SH2D4A: variants seen among roughly 807,000 people sequenced by gnomAD.
The protein encoded by SH2D4A is SH2 domain containing 4A.
In SH2D4A, 70 loss-of-function variants were observed where a neutral mutation model predicts 64.7. The observed-to-expected ratio is 1.08, with a 90% CI of 0.89 to 1.32. The LOEUF is 1.32. SH2D4A is among the 40% of genes most tolerant of loss of function. The pLI, the probability that SH2D4A is intolerant of heterozygous loss-of-function variation, is 0.00. For synonymous variants in SH2D4A, 268 were observed against 200.7 expected, an observed-to-expected ratio of 1.34 and a Z score of -2.83; for missense variants, 706 against 540.1, an observed-to-expected ratio of 1.31 and a Z score of -3.04.
At chr8:19,389,685 T>C (rs564997915) in intron 8 of SH2D4A, among the ~76,000 whole-genome samples, 23 of 152,266 alleles carry the variant, frequency 1.5e-4, no homozygotes, top group African/African-American at 5.5e-4. Flanking sequence ...TGGGTGAAGA[T>C]ATAGGTCACT....
intron 4 of SH2D4A, 56 bp from the exon 5 acceptor site, chr8:19,357,146 CT>C: frequency 6.7e-6 from 9 of 1,344,492 alleles, no homozygotes; most frequent in Non-Finnish European, 8.5e-6. Flanking sequence ...GACAGATTAT[CT>C]TATGAAACTG....
rs552781847 is a variant in SH2D4A, at chr8:19,364,198, G to C, written c.833G>C (p.Arg278Pro). ...GGTGAGAGGCTGCAAAGCCCCTTGC[G>C]TGTTCCGCAGAAACCAGAAAGACCT... is the stretch of plus-strand genomic sequence containing the variant. Reference protein sequence around the residue: ...RGGERLQSPLRVPQKPERPPL... With the variant: ...RGGERLQSPLPVPQKPERPPL... The change falls in exon 7 of 10, where the codon CGT (arginine) becomes CCT (proline). Residue 278 changes from arginine to proline, a missense_variant. By Grantham distance (103) the Arg-to-Pro change is moderately radical. Transcript: ENST00000265807. 5.3e-5 allele frequency: 85 copies of C among 1,614,174 alleles called. 1 individual carries two copies. In the East Asian group the frequency reaches 1.8e-3, roughly 34 times the overall value.
intron 9 of SH2D4A, 33 bp from the exon 10 acceptor site, chr8:19,394,517 A>T (rs191960810): frequency 6.7e-7 from 1 of 1,488,016 alleles, no homozygotes; most frequent in Non-Finnish European, 9.3e-7. Flanking sequence ...GTCACTACTT[A>T]CACTATCTGA....
chr8:19,386,105 C>G (rs1434455320), intron 8 of SH2D4A, among the ~76,000 whole-genome samples: 2 of 152,202 alleles, frequency 1.3e-5, no homozygotes, highest in South Asian at 4.1e-4. Flanking sequence ...CAGAGAAGGA[C>G]AGCTGGAAGT....
intron 8 of SH2D4A, among the ~76,000 whole-genome samples, chr8:19,383,022 T>A (rs1004401880): frequency 1.3e-5 from 2 of 151,888 alleles, no homozygotes; most frequent in African/African-American, 2.4e-5. Context: ...ACAATTTGAT[T>A]GTATTATGTG....
At chr8:19,325,909 G>A (rs73599050) in intron 2 of SH2D4A, among the ~76,000 whole-genome samples, 2,465 of 152,222 alleles carry the variant, frequency 0.016, 66 homozygotes, top group African/African-American at 0.055. Context: ...AAATGAATAC[G>A]GGGCTAGACC....
In SH2D4A at chr8:19,394,613, C is replaced by A; in HGVS notation, c.1336C>A (p.Leu446Met). Residue 446 changes from leucine (L) to methionine (M), a missense_variant, in exon 10 of 10, where the codon CTG (leucine) becomes ATG (methionine). Physicochemically the swap from Leu to Met is conservative, Grantham distance 15 (BLOSUM62 2). Transcript: ENST00000265807. ...CTATCCCTGTGGTCAGCAGGACCAG[C>A]TGCCTGACTACCTGGAGCTGTTTGA... ...LLYPCGQQDQ[L>M]PDYLELFE 1 of 1,611,026 alleles carries A rather than the reference C, an allele frequency of 6.2e-7. No homozygotes were observed. The highest frequency in any genetic ancestry group is 8.5e-7 in the Non-Finnish European group (1 of 1,178,148).
chr8:19,394,700 C>T lies in SH2D4A; in HGVS notation c.*58C>T. ...AGCGGGCTTTCCCCTGGACAAATGC[C>T]ACTGCAACATTTATGTGTGAAGCCA... On this transcript the variant is annotated 3_prime_UTR_variant, in exon 10 of 10. Coordinates refer to ENST00000265807, the MANE Select transcript of SH2D4A (RefSeq NM_022071.4). The T allele has an allele frequency of 1.5e-6, 2 of 1,368,062 alleles. No individual in the cohort carries two copies. Among genetic ancestry groups the T allele is most frequent in the Non-Finnish European group, 1.0e-6 (1 of 992,444 alleles). 84.7% of individuals were successfully genotyped at this position (1,368,062 alleles called of 1,614,324 possible). A position where few individuals can be genotyped will look rare whatever the true frequency, so the allele number is the denominator to read the frequency against.
intron 8 of SH2D4A, among the ~76,000 whole-genome samples, chr8:19,386,385 TGC>T (rs1563213538): frequency 1.7e-4 from 26 of 152,350 alleles, no homozygotes; most frequent in African/African-American, 5.5e-4. Flanking sequence ...CATAAATTAG[TGC>T]AGCAGGCTTC....
chr8:19,334,573 G>A, intron 3 of SH2D4A, 113 bp from the exon 4 acceptor site: 1 of 1,168,030 alleles, frequency 8.6e-7, no homozygotes, highest in Non-Finnish European at 1.2e-6. Flanking sequence ...GAAGCACTCA[G>A]TAAGTGGTGT....
At position 19,394,938 on chromosome 8, in the gene SH2D4A, G is replaced by T. The variant is rs1486729684; in HGVS notation, c.*296G>T. 3 of 211,608 alleles carry T rather than the reference G, an allele frequency of 1.4e-5. No homozygotes were observed. Among genetic ancestry groups the T allele is most frequent in the African/African-American group, 4.6e-5 (2 of 43,712 alleles). The allele number at this position is 211,608 out of a possible 1,614,324, so 13.1% of individuals were successfully genotyped here. On this transcript the variant is annotated 3_prime_UTR_variant, in exon 10 of 10. Coordinates refer to ENST00000265807, the MANE Select transcript of SH2D4A (RefSeq NM_022071.4). Reference sequence around the variant, plus strand: ...CATAAAATAAAACAAATGAAGAAATGGAAAACTTTTAGAAATTAAGGTGTA... The same window carrying T: ...CATAAAATAAAACAAATGAAGAAATTGAAAACTTTTAGAAATTAAGGTGTA...
chr8:19,336,982 C>T (rs189863231), intron 4 of SH2D4A, among the ~76,000 whole-genome samples: 15 of 151,962 alleles, frequency 9.9e-5, no homozygotes, highest in Admixed American at 9.8e-4. Flanking sequence ...AAAATAGATA[C>T]CACAGTTATT....
At chr8:19,384,074 G>A (rs569658743) in intron 8 of SH2D4A, among the ~76,000 whole-genome samples, 27 of 152,264 alleles carry the variant, frequency 1.8e-4, no homozygotes, top group Non-Finnish European at 2.8e-4. Context: ...ATCATTTTGA[G>A]TAACAGTGTA....
chr8:19,393,247 G>A (rs2053523153), intron 8 of SH2D4A, 71 bp from the exon 9 acceptor site: 4 of 1,389,008 alleles, frequency 2.9e-6, no homozygotes. Flanking sequence ...TATCCATGCA[G>A]CTGGATTTAA....
chr8:19,383,154 C>G (rs1365872287), intron 8 of SH2D4A, among the ~76,000 whole-genome samples: 1 of 151,800 alleles, frequency 6.6e-6, no homozygotes, highest in Non-Finnish European at 1.5e-5. Context: ...CTCTCTGCCC[C>G]CTTCTCCTTC....
intron 2 of SH2D4A, among the ~76,000 whole-genome samples, chr8:19,327,009 T>C (rs960490844): frequency 6.6e-6 from 1 of 152,204 alleles, no homozygotes; most frequent in Non-Finnish European, 1.5e-5. Flanking sequence ...GCCAGGGACA[T>C]GTGTCACCCC....
At chr8:19,367,046 G>T (rs2053009333) in intron 7 of SH2D4A, among the ~76,000 whole-genome samples, 1 of 152,076 alleles carries the variant, frequency 6.6e-6, no homozygotes, top group East Asian at 1.9e-4. Context: ...CCTTTCTCCA[G>T]ATTCTCACCA....
At chr8:19,345,994 A>G (rs1296894738) in intron 4 of SH2D4A, among the ~76,000 whole-genome samples, 1 of 152,248 alleles carries the variant, frequency 6.6e-6, no homozygotes, top group Non-Finnish European at 1.5e-5. Context: ...GTATCTTTCT[A>G]TGCACGCATG....
At chr8:19,325,439 TCAGATA>T (rs1248015660) in intron 2 of SH2D4A, among the ~76,000 whole-genome samples, 4 of 152,316 alleles carry the variant, frequency 2.6e-5, no homozygotes, top group Non-Finnish European at 5.9e-5. Flanking sequence ...GGATTTGAAC[TCAGATA>T]CAGTTCAACT....
Sources: allele counts gnomAD v4.1 joint callset (sites outside exome capture counted in the v4.1 genomes callset), GRCh38; gene constraint gnomAD v4.1.1; transcripts MANE v1.5; gene names NCBI Gene and HGNC (gene_info 2026-07-23, HGNC 2026-07-21).